SMIM17: variants seen among roughly 807,000 people sequenced by gnomAD.
The protein encoded by SMIM17 is small integral membrane protein 17.
A neutral mutation model predicts 12.2 loss-of-function variants in SMIM17; 10 were observed. The ratio of observed to expected loss-of-function variants is 0.82; its 90% CI spans 0.50 to 1.39. The LOEUF (loss-of-function observed/expected upper bound fraction) is 1.39, where lower values mean the gene tolerates loss of function less well. Ranked by LOEUF, SMIM17 falls within the 40% of genes most tolerant of loss-of-function variation. SMIM17 has a pLI of 0.00. For missense variants in SMIM17, 136 were observed against 118.2 expected, an observed-to-expected ratio of 1.15 and a Z score of -0.70; for synonymous variants, 50 against 44.1, an observed-to-expected ratio of 1.13 and a Z score of -0.53.
At position 56,656,707 on chromosome 19, in the gene SMIM17, A is replaced by T. The variant is rs1455721371; in HGVS notation, c.*1494A>T. Among the ~76,000 whole-genome samples the T allele has an allele frequency of 1.3e-5, 2 of 152,196 alleles. No individual in the cohort carries two copies. The highest frequency in any genetic ancestry group is 2.9e-5 in the Non-Finnish European group (2 of 68,036). ...TAAAAATTACATTGTAGTGTGTCTA[A>T]ATATTACATTGTAGTGTTTCTAAAG... is the stretch of plus-strand genomic sequence containing the variant. On this transcript the variant is annotated 3_prime_UTR_variant, in exon 4 of 4. Transcript: ENST00000598409.
intron 3 of SMIM17, among the ~76,000 whole-genome samples, chr19:56,648,620 A>T (rs963845122): frequency 1.3e-5 from 2 of 151,982 alleles, no homozygotes; most frequent in African/African-American, 4.8e-5. Context: ...CCACACATTC[A>T]TTCATCCATC....
chr19:56,654,279 A>G (rs2045131444), intron 3 of SMIM17, among the ~76,000 whole-genome samples: 1 of 152,214 alleles, frequency 6.6e-6, no homozygotes, highest in Admixed American at 6.5e-5. Context: ...GGGTATCTGG[A>G]GGAAGGGCAT....
chr19:56,654,700 C>T (rs1464290305), intron 3 of SMIM17, among the ~76,000 whole-genome samples: 3 of 151,880 alleles, frequency 2.0e-5, no homozygotes, highest in South Asian at 4.2e-4. Context: ...TGTTTGGGGA[C>T]ATGTGAAGTT....
At position 56,645,773 on chromosome 19, in the gene SMIM17, G is replaced by A. The variant is rs766739930; in HGVS notation, c.106G>A (p.Ala36Thr). The stretch of plus-strand genomic sequence containing the variant: ...GGCCTGGGAGAAGCCTCCTCATCCC[G>A]CCTGCACCAAAGACTGGGAGGCTGT... ...SRAWEKPPHP[A>T]CTKDWEAVEV... Residue 36 changes from alanine to threonine, a missense_variant, in exon 2 of 4, where the codon GCC becomes ACC. By Grantham distance (58) the Ala-to-Thr change is moderately conservative (BLOSUM62 0). Transcript: ENST00000598409. The A allele has an allele frequency of 3.2e-4, 488 of 1,535,848 alleles. 3 individuals carry two copies. The highest frequency in any genetic ancestry group is 2.9e-4 in the Non-Finnish European group (327 of 1,146,800).
chr19:56,652,418 G>A (rs984517310), intron 3 of SMIM17, among the ~76,000 whole-genome samples: 2 of 152,092 alleles, frequency 1.3e-5, no homozygotes, highest in Non-Finnish European at 2.9e-5. Context: ...ACTTTGGGAG[G>A]CCGAGGTGGG....
Position 56,655,958 on chromosome 19 carries a change from T to TG in SMIM17, c.*745_*746insG, listed in dbSNP as rs545919859. ...TGGCGAATTACAGAGGTTTTTGTTT[T>TG]TTTTTTTTTTTGAGACCGAGTCTCA... On this transcript the variant is annotated 3_prime_UTR_variant, in exon 4 of 4. Coordinates refer to ENST00000598409, the MANE Select transcript of SMIM17 (RefSeq NM_001193628.2). Among the ~76,000 whole-genome samples, 6 of 150,970 alleles carry TG rather than the reference T, an allele frequency of 4.0e-5. No homozygotes were observed. In the South Asian group the frequency reaches 1.3e-3, roughly 32 times the overall value.
chr19:56,647,385 G>C (rs1280089735), intron 2 of SMIM17, among the ~76,000 whole-genome samples, 173 bp from the exon 3 acceptor site: 1 of 150,276 alleles, frequency 6.7e-6, no homozygotes, highest in Non-Finnish European at 1.5e-5. Flanking sequence ...TTGTGTGTTT[G>C]TGTGTGTGTG....
chr19:56,647,235 T>TG (rs1423073827), intron 2 of SMIM17, among the ~76,000 whole-genome samples: 1 of 152,126 alleles, frequency 6.6e-6, no homozygotes, highest in Non-Finnish European at 1.5e-5. Context: ...GGTAAGGGAC[T>TG]GAAGACTCAA....
rs2045056260 is a variant in SMIM17 at position 56,645,575 on chromosome 19, G to T, written c.-93G>T. 8.0e-7 allele frequency: 1 copy of T among 1,247,518 alleles called. No individual in the cohort carries two copies. The highest frequency in any genetic ancestry group is 2.7e-5 in the East Asian group (1 of 37,120). 77.3% of individuals were successfully genotyped at this position (1,247,518 alleles called of 1,614,324 possible). A position where few individuals can be genotyped will look rare whatever the true frequency, so the allele number is the denominator to read the frequency against. On this transcript the variant is annotated 5_prime_UTR_variant, in exon 2 of 4. Coordinates refer to ENST00000598409, the MANE Select transcript of SMIM17 (RefSeq NM_001193628.2). Reference sequence around the variant, plus strand: ...TGATGAAATGTCCATCAGTCCTCAGGTTCTGAATCTTGTGCCTGGAGAACC... The same window carrying T: ...TGATGAAATGTCCATCAGTCCTCAGTTTCTGAATCTTGTGCCTGGAGAACC...
At chr19:56,652,630 C>A (rs1005893834) in intron 3 of SMIM17, among the ~76,000 whole-genome samples, 1 of 148,900 alleles carries the variant, frequency 6.7e-6, no homozygotes, top group Non-Finnish European at 1.5e-5. Context: ...CCAGCCTGGG[C>A]GATACAGCGA....
intron 3 of SMIM17, among the ~76,000 whole-genome samples, chr19:56,648,922 A>G (rs2045088560): frequency 6.6e-6 from 1 of 152,188 alleles, no homozygotes; most frequent in Non-Finnish European, 1.5e-5. Flanking sequence ...AGTCCCATCC[A>G]TCTCCCAATC....
chr19:56,644,367 T>C (rs1201535366), intron 1 of SMIM17, among the ~76,000 whole-genome samples: 1 of 152,212 alleles, frequency 6.6e-6, no homozygotes, highest in Non-Finnish European at 1.5e-5. Context: ...CGGCCCACAC[T>C]GAGGTTGCAA....
At chr19:56,646,548 G>A (rs1320792998) in intron 2 of SMIM17, among the ~76,000 whole-genome samples, 1 of 152,154 alleles carries the variant, frequency 6.6e-6, no homozygotes, top group Non-Finnish European at 1.5e-5. Flanking sequence ...CCCACAGAAA[G>A]AATGGTGCAG....
Position 56,645,551 on chromosome 19 carries a change from G to A in SMIM17, c.-100-17G>A. 2 of 958,654 alleles carry A rather than the reference G, an allele frequency of 2.1e-6. No homozygotes were observed. Among genetic ancestry groups the A allele is most frequent in the Non-Finnish European group, 2.9e-6 (2 of 686,742 alleles). 59.4% of individuals were successfully genotyped at this position (958,654 alleles called of 1,614,324 possible). On this transcript the variant is annotated splice_polypyrimidine_tract_variant and intron_variant, in intron 1 of 3. Coordinates refer to ENST00000598409, the MANE Select transcript of SMIM17 (RefSeq NM_001193628.2). ...GGCCCTCTGTAATGATTCACTGAAT[G>A]ATGAAATGTCCATCAGTCCTCAGGT...
Sources: allele counts gnomAD v4.1 joint callset (sites outside exome capture counted in the v4.1 genomes callset), GRCh38; gene constraint gnomAD v4.1.1; transcripts MANE v1.5; gene names NCBI Gene and HGNC (gene_info 2026-07-23, HGNC 2026-07-21).